The following BCO1 variants were observed in gnomAD, a reference collection of about 807,000 sequenced individuals.
BCO1 encodes the protein beta,beta-carotene 15,15'-dioxygenase.
Under a neutral mutation model 56.3 loss-of-function variants are expected in BCO1, and 54 were observed. That is an observed-to-expected ratio of 0.96 (90% CI 0.77 to 1.20). BCO1 has a LOEUF of 1.20. BCO1 is among the 50% of genes most tolerant of loss of function. BCO1 has a pLI of 0.00. For missense variants in BCO1, 801 were observed against 690.9 expected, an observed-to-expected ratio of 1.16 and a Z score of -1.79; for synonymous variants, 318 against 266.1, an observed-to-expected ratio of 1.20 and a Z score of -1.90.
chr16:81,243,699 C>A (rs916758900), intron 1 of BCO1, among the ~76,000 whole-genome samples: 1 of 152,184 alleles, frequency 6.6e-6, no homozygotes, highest in Non-Finnish European at 1.5e-5. Flanking sequence ...CAGCTCCTGA[C>A]CTCAAGCGAT....
intron 3 of BCO1, 121 bp from the exon 4 acceptor site, chr16:81,262,015 T>C: frequency 8.9e-6 from 11 of 1,237,974 alleles, no homozygotes; most frequent in Non-Finnish European, 1.3e-5. Flanking sequence ...GTGCTGGGAT[T>C]ACAGGCACCC....
intron 1 of BCO1, among the ~76,000 whole-genome samples, chr16:81,240,521 C>T (rs910734599): frequency 6.6e-6 from 1 of 152,098 alleles, no homozygotes; most frequent in African/African-American, 2.4e-5. Flanking sequence ...GCCTGGCTAA[C>T]ATGGCGAAAT....
intron 5 of BCO1, 106 bp downstream of exon 5, chr16:81,264,893 C>T: frequency 7.6e-7 from 1 of 1,308,592 alleles, no homozygotes; most frequent in Non-Finnish European, 1.1e-6. Context: ...GGTACTTTCT[C>T]CCGTAGATTA....
rs1906945014 is a variant in BCO1 at position 81,268,083 on chromosome 16, C to T, written c.795C>T (p.Ile265=). ...LDILKMATAY[I]RRMSWASCLA... is the part of the protein sequence containing the mutation. ...TTCTCAAGATGGCAACCGCATACAT[C>T]CGGAGAATGAGCTGGGCCTCCTGCC... The change falls in exon 6 of 11, where the codon ATC becomes ATT. Residue 265 remains isoleucine (I), a synonymous_variant. Coordinates refer to ENST00000258168, the MANE Select transcript of BCO1 (RefSeq NM_017429.3). 2 of 1,612,480 alleles carry T rather than the reference C, an allele frequency of 1.2e-6. No homozygotes were observed. The highest frequency in any genetic ancestry group is 2.7e-5 in the African/African-American group (2 of 74,852).
rs748077462 is a variant in BCO1, at chr16:81,259,766, C to A, written c.284C>A (p.Thr95Lys). The change falls in exon 3 of 11, where the codon ACA (threonine) becomes AAA (lysine). Residue 95 changes from threonine to lysine, a missense_variant. Coordinates refer to ENST00000258168, the MANE Select transcript of BCO1 (RefSeq NM_017429.3). ...ANRIVVSEFG[T>K]MAYPDPCKNI... ...AGGATTGTGGTGTCTGAGTTTGGAACAATGGCCTATCCGGACCCCTGCAAA... is the reference window on the plus strand; with the variant it reads ...AGGATTGTGGTGTCTGAGTTTGGAAAAATGGCCTATCCGGACCCCTGCAAA... 2.5e-6 allele frequency: 4 copies of A among 1,614,240 alleles called. No homozygotes were observed. Among genetic ancestry groups the A allele is most frequent in the Non-Finnish European group, 3.4e-6 (4 of 1,180,040 alleles).
intron 2 of BCO1, 114 bp downstream of exon 2, chr16:81,245,717 G>A (rs887017173): frequency 9.5e-6 from 13 of 1,373,518 alleles, no homozygotes; most frequent in Non-Finnish European, 1.2e-5. Context: ...GTCTAAATCG[G>A]GTCTCACTGA....
At chr16:81,276,009 G>A (rs577876149) in intron 7 of BCO1, among the ~76,000 whole-genome samples, 6 of 152,360 alleles carry the variant, frequency 3.9e-5, no homozygotes, top group Middle Eastern at 6.8e-3. Context: ...CCCGAGGTTC[G>A]TGTGCACCCA....
At chr16:81,288,527 A>G (rs1009418838) in intron 10 of BCO1, among the ~76,000 whole-genome samples, 7 of 152,180 alleles carry the variant, frequency 4.6e-5, no homozygotes, top group African/African-American at 1.7e-4. Context: ...GGCCTCCCAA[A>G]GTGCTGGGAT....
At chr16:81,247,586 G>A (rs1905500368) in intron 2 of BCO1, among the ~76,000 whole-genome samples, 1 of 152,004 alleles carries the variant, frequency 6.6e-6, no homozygotes, top group African/African-American at 2.4e-5. Context: ...GTGTGCAATG[G>A]TGCAATCTCA....
intron 8 of BCO1, among the ~76,000 whole-genome samples, chr16:81,285,027 G>T (rs1415067278): frequency 6.7e-6 from 1 of 149,270 alleles, no homozygotes; most frequent in Admixed American, 6.7e-5. Context: ...TTTAGTAGAG[G>T]GAGGGTTTTG....
In BCO1 at chr16:81,257,695, G is replaced by A. The variant is rs546239746; in HGVS notation, c.194-1981G>A. On this transcript the variant is annotated intron_variant, in intron 2 of 10. Transcript: ENST00000258168. Reference sequence around the variant, plus strand: ...GTTCGAGACCAGTCTGACCAACATGGCAAAACCCTGTCTCTACTAAAAATA... The same window carrying A: ...GTTCGAGACCAGTCTGACCAACATGACAAAACCCTGTCTCTACTAAAAATA... Among the ~76,000 whole-genome samples the A allele has an allele frequency of 1.3e-4, 20 of 151,896 alleles. No individual in the cohort carries two copies. In the East Asian group the frequency reaches 3.5e-3, roughly 27 times the overall value.
In BCO1 at chr16:81,268,737, A is replaced by T. The variant is rs143450779; in HGVS notation, c.843+606A>T. Among the ~76,000 whole-genome samples the T allele has an allele frequency of 3.6e-3, 555 of 152,246 alleles. 3 individuals are homozygous for T. The highest frequency in any genetic ancestry group is 5.7e-3 in the Non-Finnish European group (387 of 68,006). On this transcript the variant is annotated intron_variant, in intron 6 of 10. Coordinates refer to ENST00000258168, the MANE Select transcript of BCO1 (RefSeq NM_017429.3). ...AATACATGTACGTGTGCATGGGTGT[A>T]TGTATGTATTACTAGTGTTTATTTA...
Position 81,286,169 on chromosome 16 carries a change from G to A in BCO1, c.1302+535G>A, listed in dbSNP as rs992045828. On this transcript the variant is annotated intron_variant, in intron 9 of 10. Coordinates refer to ENST00000258168, the MANE Select transcript of BCO1 (RefSeq NM_017429.3). ...ACCAAAAGTGCTGGATTACAGCCTC[G>A]AGCCACCATGCCTGGCCCATTTTGC... Among the ~76,000 whole-genome samples the A allele has an allele frequency of 3.3e-5, 5 of 152,098 alleles. No individual in the cohort carries two copies. The East Asian group carries it at 5.8e-4, about 18-fold the overall frequency.
intron 10 of BCO1, 137 bp from the exon 11 acceptor site, chr16:81,290,211 A>C (rs749426284): frequency 2.5e-6 from 2 of 794,208 alleles, no homozygotes; most frequent in Non-Finnish European, 4.2e-6. Flanking sequence ...CCCTTCTGTT[A>C]CAGTGTCTCA....
At chr16:81,271,033 T>C (rs146510133) in intron 7 of BCO1, among the ~76,000 whole-genome samples, 3,198 of 150,688 alleles carry the variant, frequency 0.021, 113 homozygotes, top group African/African-American at 0.074. Flanking sequence ...CGTGAGCCAC[T>C]GCACCTGGCT....
At chr16:81,257,999 C>T (rs8053144) in intron 2 of BCO1, among the ~76,000 whole-genome samples, 7 of 151,898 alleles carry the variant, frequency 4.6e-5, no homozygotes, top group East Asian at 1.9e-4. Context: ...GAAGCAGGAG[C>T]GTCAGCCTCA....
At chr16:81,254,225 T>C (rs1334681181) in intron 2 of BCO1, among the ~76,000 whole-genome samples, 1 of 151,620 alleles carries the variant, frequency 6.6e-6, no homozygotes, top group Non-Finnish European at 1.5e-5. Flanking sequence ...GCCTCCTGGG[T>C]TCAAGCAATT....
chr16:81,241,784 C>A (rs1243586648), intron 1 of BCO1, among the ~76,000 whole-genome samples: 2 of 152,218 alleles, frequency 1.3e-5, no homozygotes, highest in Non-Finnish European at 2.9e-5. Flanking sequence ...CAGTTGGTGA[C>A]ATCCATGGGC....
At position 81,270,235 on chromosome 16, in the gene BCO1, T is replaced by C. The variant is rs1368181098; in HGVS notation, c.920T>C (p.Phe307Ser). The change falls in exon 7 of 11, where the codon TTC becomes TCC. Residue 307 changes from phenylalanine to serine, a missense_variant. Coordinates refer to ENST00000258168, the MANE Select transcript of BCO1 (RefSeq NM_017429.3). ...TTTTACACAGACGCCATGGTGGTCT[T>C]CCATCACGTCAACGCCTACGAAGAG... ...TKFYTDAMVV[F>S]HHVNAYEEDG... is the part of the protein sequence containing the mutation. 1 of 1,614,062 alleles carries C rather than the reference T, an allele frequency of 6.2e-7. No homozygotes were observed. The highest frequency in any genetic ancestry group is 8.5e-7 in the Non-Finnish European group (1 of 1,180,044).
Sources: gnomAD v4.1 joint callset for allele counts (sites outside exome capture counted in the v4.1 genomes callset) on GRCh38, gnomAD v4.1.1 for gene constraint, MANE v1.5 for transcripts, NCBI Gene and HGNC (gene_info 2026-07-23, HGNC 2026-07-21) for gene names.